Variants in MCC observed in about 807,000 individuals in gnomAD.
MCC encodes MCC regulator of Wnt signaling pathway.
A neutral mutation model predicts 116.2 loss-of-function variants in MCC; 90 were observed. The ratio of observed to expected loss-of-function variants is 0.77; its 90% CI spans 0.65 to 0.92. MCC has a LOEUF of 0.92. Among genes scored for constraint, MCC ranks in the 40% least tolerant of loss-of-function variants. MCC has a pLI of 0.00. For missense variants in MCC, 1,516 were observed against 1,312.2 expected (o/e 1.16, Z -2.40); for synonymous variants, 578 against 510.5 (o/e 1.13, Z -1.78).
chr5:113,151,818 T>C (rs189359411), intron 3 of MCC, among the ~76,000 whole-genome samples: 6 of 152,192 alleles, frequency 3.9e-5, no homozygotes, highest in African/African-American at 1.4e-4. Context: ...TCGGAAAATA[T>C]GAAAGCTGAA....
chr5:113,375,204 AT>A lies in MCC; in HGVS notation c.415+9763del, dbSNP rs367751047. 6.8e-3 allele frequency among the ~76,000 whole-genome samples: 1,003 copies of A among 147,900 alleles called. 14 individuals are homozygous for A. Among genetic ancestry groups the A allele is most frequent in the African/African-American group, 0.024 (954 of 40,442 alleles). The stretch of plus-strand genomic sequence containing the variant: ...TGTTTCCTTATTTCAACATTGTTCC[AT>A]TTTTTTTTTCCAGTTTTCCAAGATC... On this transcript the variant is annotated intron_variant, in intron 2 of 18. Transcript: ENST00000408903.
chr5:113,438,964 G>A (rs1212112655), intron 1 of MCC, among the ~76,000 whole-genome samples: 2 of 152,170 alleles, frequency 1.3e-5, no homozygotes, highest in African/African-American at 4.8e-5. Flanking sequence ...GAGCTTCCTT[G>A]GGCAGGATCC....
chr5:113,474,681 A>G (rs1189336451), intron 1 of MCC, among the ~76,000 whole-genome samples: 1 of 152,208 alleles, frequency 6.6e-6, no homozygotes, highest in Non-Finnish European at 1.5e-5. Flanking sequence ...GCAGATTAGA[A>G]TACTAGGATA....
intron 3 of MCC, among the ~76,000 whole-genome samples, chr5:113,248,234 TTAA>T (rs1764648930): frequency 9.2e-6 from 1 of 108,730 alleles, no homozygotes. Flanking sequence ...TTGTATCTAT[TTAA>T]AAAAAAAAAA....
intron 1 of MCC, among the ~76,000 whole-genome samples, chr5:113,455,583 C>A (rs1022480822): frequency 6.6e-6 from 1 of 152,200 alleles, no homozygotes; most frequent in Non-Finnish European, 1.5e-5. Context: ...TTTTCCAAAT[C>A]TCTTGGGGAT....
chr5:113,350,508 C>A (rs1586943), intron 2 of MCC, among the ~76,000 whole-genome samples: 28,523 of 151,916 alleles, frequency 0.19, 3,281 homozygotes, highest in Admixed American at 0.31. Flanking sequence ...TAAAACTAGA[C>A]CCCTATCTCT....
intron 4 of MCC, among the ~76,000 whole-genome samples, chr5:113,148,076 A>G (rs1485128924): frequency 6.6e-6 from 1 of 152,222 alleles, no homozygotes; most frequent in Non-Finnish European, 1.5e-5. Context: ...AAATGCAGTT[A>G]ATTTAAAATA....
At chr5:113,135,129 G>A (rs1402985222) in intron 5 of MCC, among the ~76,000 whole-genome samples, 7 of 150,980 alleles carry the variant, frequency 4.6e-5, no homozygotes, top group Non-Finnish European at 8.9e-5. Flanking sequence ...TAGTGGAGAC[G>A]GGGTTTCACC....
At chr5:113,072,291 G>T (rs1449231675) in intron 11 of MCC, among the ~76,000 whole-genome samples, 1 of 152,172 alleles carries the variant, frequency 6.6e-6, no homozygotes, top group African/African-American at 2.4e-5. Context: ...GGAGACATCT[G>T]GTGAGTGTAG....
chr5:113,486,069 C>T (rs1772516190), intron 1 of MCC, among the ~76,000 whole-genome samples: 1 of 152,174 alleles, frequency 6.6e-6, no homozygotes, highest in South Asian at 2.1e-4. Context: ...AGTCTTACCA[C>T]ATAAACGTAA....
At chr5:113,393,631 T>C (rs948448680) in intron 1 of MCC, among the ~76,000 whole-genome samples, 1 of 152,230 alleles carries the variant, frequency 6.6e-6, no homozygotes, top group South Asian at 2.1e-4. Context: ...TAGCAGTGTC[T>C]GAGCTGCTCA....
At chr5:113,485,541 T>C (rs1772496901) in intron 1 of MCC, among the ~76,000 whole-genome samples, 1 of 152,146 alleles carries the variant, frequency 6.6e-6, no homozygotes, top group South Asian at 2.1e-4. Context: ...AGGCACAACT[T>C]ATTTCCACTT....
chr5:113,161,916 C>T (rs1419923681), intron 3 of MCC, among the ~76,000 whole-genome samples: 1 of 152,206 alleles, frequency 6.6e-6, no homozygotes, highest in Non-Finnish European at 1.5e-5. Flanking sequence ...CGGCATGCTC[C>T]GTTTCAGGGA....
chr5:113,402,880 G>C (rs1273142933), intron 1 of MCC, among the ~76,000 whole-genome samples: 1 of 152,064 alleles, frequency 6.6e-6, no homozygotes, highest in African/African-American at 2.4e-5. Context: ...CTGCAGCCTT[G>C]AACTCCAGGG....
intron 3 of MCC, among the ~76,000 whole-genome samples, chr5:113,208,479 A>G (rs1235051198): frequency 6.6e-6 from 1 of 152,170 alleles, no homozygotes; most frequent in East Asian, 1.9e-4. Context: ...CCGTATAAAA[A>G]AATGTAGGAC....
At chr5:113,400,412 C>T (rs1769653415) in intron 1 of MCC, among the ~76,000 whole-genome samples, 1 of 152,058 alleles carries the variant, frequency 6.6e-6, no homozygotes, top group African/African-American at 2.4e-5. Flanking sequence ...CGTGAGTCAC[C>T]GCGCATGGCC....
chr5:113,391,242 C>T (rs1180765844), intron 1 of MCC, among the ~76,000 whole-genome samples: 2 of 152,154 alleles, frequency 1.3e-5, no homozygotes, highest in African/African-American at 2.4e-5. Context: ...ATGGATGATA[C>T]AGGCGCTAGA....
chr5:113,418,990 G>A (rs1420165268), intron 1 of MCC, among the ~76,000 whole-genome samples: 8 of 152,214 alleles, frequency 5.3e-5, no homozygotes, highest in African/African-American at 1.7e-4. Context: ...TTAAGGGTAT[G>A]CAACTAACAG....
intron 3 of MCC, among the ~76,000 whole-genome samples, chr5:113,222,725 G>T (rs1227425290): frequency 1.3e-5 from 2 of 152,160 alleles, no homozygotes; most frequent in Non-Finnish European, 2.9e-5. Context: ...TTGACTTATG[G>T]GGCAATGATA....
Sources: allele counts gnomAD v4.1 joint callset (sites outside exome capture counted in the v4.1 genomes callset), GRCh38; gene constraint gnomAD v4.1.1; transcripts MANE v1.5; gene names NCBI Gene and HGNC (gene_info 2026-07-23, HGNC 2026-07-21).